The following DCDC1 variants were observed in gnomAD, a reference collection of about 807,000 sequenced individuals.
DCDC1 encodes the protein doublecortin domain-containing protein 1.
Under a neutral mutation model 178.3 loss-of-function variants are expected in DCDC1, and 200 were observed. That is an observed-to-expected ratio of 1.12 (90% confidence interval 1.00 to 1.26). The LOEUF (loss-of-function observed/expected upper bound fraction) is 1.26. DCDC1 is among the 50% of genes most tolerant of loss of function. The probability of loss-of-function intolerance (pLI) is 0.00; values close to 1 mark genes in which losing one functional copy is unlikely to be tolerated. For missense variants in DCDC1, 1,983 were observed against 1,749.2 expected (o/e 1.13, Z -2.38); for synonymous variants, 690 against 604.8 (o/e 1.14, Z -2.07).
intron 1 of DCDC1, among the ~76,000 whole-genome samples, chr11:31,353,212 G>A (rs552736251): frequency 8.5e-5 from 13 of 152,092 alleles, no homozygotes; most frequent in Non-Finnish European, 1.9e-4. Flanking sequence ...TGATTTAGTT[G>A]GAAGCAACAT....
chr11:31,212,995 A>G (rs1270485652), intron 9 of DCDC1, among the ~76,000 whole-genome samples: 1 of 151,858 alleles, frequency 6.6e-6, no homozygotes, highest in Non-Finnish European at 1.5e-5. Context: ...CCTAGGAGGA[A>G]GCTTTCTTCC....
chr11:31,134,735 C>A (rs1446746715), intron 10 of DCDC1, among the ~76,000 whole-genome samples: 2 of 152,240 alleles, frequency 1.3e-5, no homozygotes, highest in Non-Finnish European at 2.9e-5. Context: ...TAGCTCACCT[C>A]TGTAATCCCA....
chr11:30,888,098 A>AAGAAAG (rs1254212107), intron 36 of DCDC1, among the ~76,000 whole-genome samples: 36 of 105,492 alleles, frequency 3.4e-4, no homozygotes, highest in African/African-American at 8.2e-4. Flanking sequence ...GAAAGAAAGA[A>AAGAAAG]AAAGAAAGAA....
chr11:31,327,229 C>T (rs1045464890), intron 3 of DCDC1, among the ~76,000 whole-genome samples: 1 of 152,032 alleles, frequency 6.6e-6, no homozygotes, highest in Non-Finnish European at 1.5e-5. Context: ...AGTGCAATGG[C>T]GCGATCTTGG....
intron 37 of DCDC1, among the ~76,000 whole-genome samples, chr11:30,880,165 T>C (rs2133969318): frequency 6.6e-6 from 1 of 152,244 alleles, no homozygotes; most frequent in African/African-American, 2.4e-5. Flanking sequence ...TTCTTCTAAG[T>C]ACCCATGTAG....
intron 7 of DCDC1, among the ~76,000 whole-genome samples, chr11:31,286,466 C>T (rs529776955): frequency 2.0e-5 from 3 of 151,354 alleles, no homozygotes; most frequent in African/African-American, 4.8e-5. Flanking sequence ...GCAAAACAAT[C>T]GGGATAGGAA....
chr11:30,994,419 G>GGTTGAAAAC (rs1951139980), intron 20 of DCDC1, among the ~76,000 whole-genome samples: 1 of 151,380 alleles, frequency 6.6e-6, no homozygotes, highest in Non-Finnish European at 1.5e-5. Context: ...AGCCTCCCAA[G>GGTTGAAAAC]TAGTTGAAAC....
chr11:31,222,417 A>G (rs561822692), intron 9 of DCDC1, among the ~76,000 whole-genome samples: 9 of 151,746 alleles, frequency 5.9e-5, no homozygotes, highest in African/African-American at 2.2e-4. Flanking sequence ...CACCAGAATT[A>G]CTCTTAACAT....
At chr11:30,933,052 A>G (rs1214525165) in intron 21 of DCDC1, among the ~76,000 whole-genome samples, 1 of 151,980 alleles carries the variant, frequency 6.6e-6, no homozygotes, top group East Asian at 1.9e-4. Flanking sequence ...TTAATCTGCA[A>G]TGACCATCCT....
chr11:31,113,920 G>C (rs1485967815), intron 11 of DCDC1, among the ~76,000 whole-genome samples: 1 of 152,128 alleles, frequency 6.6e-6, no homozygotes, highest in African/African-American at 2.4e-5. Flanking sequence ...GCTGTAAAAT[G>C]TGGAAAAATA....
intron 9 of DCDC1, among the ~76,000 whole-genome samples, chr11:31,179,777 T>C (rs1968540850): frequency 6.6e-6 from 1 of 152,156 alleles, no homozygotes; most frequent in South Asian, 2.1e-4. Flanking sequence ...TCCAAACTCA[T>C]TTTATGAGGC....
At chr11:30,891,496 A>G (rs1469006462) in intron 36 of DCDC1, among the ~76,000 whole-genome samples, 1 of 152,138 alleles carries the variant, frequency 6.6e-6, no homozygotes, top group Admixed American at 6.5e-5. Context: ...TTACCCATTT[A>G]TTACTCATTG....
At chr11:31,031,360 T>C (rs1420119799) in intron 20 of DCDC1, among the ~76,000 whole-genome samples, 1 of 152,166 alleles carries the variant, frequency 6.6e-6, no homozygotes, top group Admixed American at 6.5e-5. Context: ...CCTAACCTGG[T>C]AATGTTAAAA....
chr11:31,139,103 T>C (rs904289960), intron 9 of DCDC1, among the ~76,000 whole-genome samples: 15 of 152,134 alleles, frequency 9.9e-5, no homozygotes, highest in African/African-American at 3.6e-4. Flanking sequence ...ACACTAAATA[T>C]ATATACACAC....
At chr11:31,259,451 C>G (rs1023623058) in intron 8 of DCDC1, among the ~76,000 whole-genome samples, 3 of 152,162 alleles carry the variant, frequency 2.0e-5, no homozygotes, top group African/African-American at 4.8e-5. Flanking sequence ...GTGTCAGGCA[C>G]TTGTTCTAAG....
chr11:31,062,817 T>G (rs913266110), intron 20 of DCDC1, among the ~76,000 whole-genome samples: 1 of 151,890 alleles, frequency 6.6e-6, no homozygotes, highest in Non-Finnish European at 1.5e-5. Context: ...TTATTATACT[T>G]TAAGTTTTAG....
intron 20 of DCDC1, among the ~76,000 whole-genome samples, chr11:31,036,793 AT>A (rs1459248129): frequency 1.3e-5 from 2 of 152,348 alleles, no homozygotes; most frequent in Non-Finnish European, 2.9e-5. Flanking sequence ...TGATCTTAAA[AT>A]TAATAGTTAC....
intron 25 of DCDC1, 59 bp downstream of exon 25, chr11:30,920,717 C>T: frequency 6.3e-7 from 1 of 1,588,340 alleles, no homozygotes; most frequent in Non-Finnish European, 8.6e-7. Context: ...TGTTATCGGG[C>T]TAATGAGCTG....
intron 7 of DCDC1, among the ~76,000 whole-genome samples, chr11:31,269,435 T>C (rs1433675536): frequency 1.3e-5 from 2 of 151,736 alleles, no homozygotes; most frequent in Non-Finnish European, 2.9e-5. Context: ...CAGGCTGGAG[T>C]GCAGTGGCAT....
Sources: allele counts gnomAD v4.1 joint callset (sites outside exome capture counted in the v4.1 genomes callset), GRCh38; gene constraint gnomAD v4.1.1; transcripts MANE v1.5; gene names NCBI Gene and HGNC (gene_info 2026-07-23, HGNC 2026-07-21).